The following VPS41 variants were observed in gnomAD, a reference collection of about 807,000 sequenced individuals.
The protein encoded by VPS41 is vacuolar protein sorting-associated protein 41 homolog.
In VPS41, 85 loss-of-function variants were observed where a neutral mutation model predicts 130.9. That is an observed-to-expected ratio of 0.65 (90% confidence interval 0.55 to 0.78). VPS41 has a LOEUF of 0.78. Ranked by LOEUF, VPS41 falls within the 30% of genes least tolerant of loss-of-function variation. The probability of loss-of-function intolerance (pLI) is 0.00; values close to 1 mark genes in which losing one functional copy is unlikely to be tolerated. For missense variants in VPS41, 874 were observed against 1,018.7 expected, an observed-to-expected ratio of 0.86 and a Z score of 1.93; for synonymous variants, 335 against 332.9, an observed-to-expected ratio of 1.01 and a Z score of -0.07.
intron 4 of VPS41, among the ~76,000 whole-genome samples, chr7:38,862,256 T>A (rs975202663): frequency 2.0e-5 from 3 of 152,188 alleles, no homozygotes; most frequent in Middle Eastern, 3.2e-3. Flanking sequence ...TGACTATAAT[T>A]AAGTAAAGAA....
chr7:38,736,277 T>C (rs4720298), intron 25 of VPS41, among the ~76,000 whole-genome samples: 55,059 of 152,104 alleles, frequency 0.36, 10,519 homozygotes, highest in Admixed American at 0.56. Flanking sequence ...AAGGACATGC[T>C]CCCTAGTCCT....
intron 25 of VPS41, among the ~76,000 whole-genome samples, chr7:38,730,564 AT>A (rs540896163): frequency 2.6e-5 from 4 of 151,980 alleles, no homozygotes; most frequent in African/African-American, 2.4e-5. Flanking sequence ...CCAGGAATCA[AT>A]TTTTTTTGGA....
chr7:38,821,337 A>G, intron 5 of VPS41, 72 bp from the exon 6 acceptor site: 2 of 946,428 alleles, frequency 2.1e-6, no homozygotes, highest in South Asian at 1.4e-5. Flanking sequence ...GTATGAACAC[A>G]TACTATCAAT....
intron 19 of VPS41, among the ~76,000 whole-genome samples, chr7:38,755,582 G>T (rs1783774519): frequency 6.6e-6 from 1 of 152,150 alleles, no homozygotes; most frequent in Non-Finnish European, 1.5e-5. Flanking sequence ...TGGGGGCCCT[G>T]TTCTAGACTC....
intron 24 of VPS41, among the ~76,000 whole-genome samples, chr7:38,742,663 T>C (rs1795903459): frequency 6.6e-6 from 1 of 151,988 alleles, no homozygotes; most frequent in African/African-American, 2.4e-5. Context: ...TTTATCTTGC[T>C]AGTTACAAGT....
intron 7 of VPS41, among the ~76,000 whole-genome samples, chr7:38,809,547 T>G (rs907832161): frequency 7.2e-5 from 11 of 152,126 alleles, no homozygotes; most frequent in Admixed American, 6.5e-4. Flanking sequence ...CAAAATCCAA[T>G]TTATTATTTG....
chr7:38,847,139 T>C (rs1785744022), intron 4 of VPS41, among the ~76,000 whole-genome samples: 4 of 152,254 alleles, frequency 2.6e-5, no homozygotes, highest in South Asian at 4.1e-4. Context: ...TTCAGTGCTG[T>C]CTGTGGAGCC....
intron 7 of VPS41, among the ~76,000 whole-genome samples, chr7:38,797,342 C>T (rs1784641851): frequency 6.6e-6 from 1 of 152,046 alleles, no homozygotes; most frequent in Non-Finnish European, 1.5e-5. Context: ...GACTTTTGAA[C>T]AGTAATTCAT....
intron 4 of VPS41, among the ~76,000 whole-genome samples, chr7:38,838,239 C>CA (rs1000676180): frequency 8.9e-4 from 130 of 146,390 alleles, no homozygotes; most frequent in East Asian, 5.4e-3. Context: ...AAAAAACAAA[C>CA]AAAAAAAAAA....
At chr7:38,859,061 A>T (rs985882106) in intron 4 of VPS41, among the ~76,000 whole-genome samples, 3 of 152,068 alleles carry the variant, frequency 2.0e-5, no homozygotes, top group Non-Finnish European at 2.9e-5. Context: ...GGGTAGGCCT[A>T]GGCTAATGTG....
intron 2 of VPS41, among the ~76,000 whole-genome samples, chr7:38,894,062 T>C (rs1383062205): frequency 1.3e-5 from 2 of 152,166 alleles, no homozygotes; most frequent in African/African-American, 4.8e-5. Flanking sequence ...TTATTCTTTA[T>C]GGAAATGGAA....
intron 4 of VPS41, among the ~76,000 whole-genome samples, chr7:38,859,454 C>T (rs1021709407): frequency 1.2e-4 from 19 of 152,074 alleles, no homozygotes; most frequent in Admixed American, 7.2e-4. Context: ...CATGATAAGT[C>T]TCCTGTACAG....
At chr7:38,897,577 G>A (rs1328637544) in intron 2 of VPS41, among the ~76,000 whole-genome samples, 7 of 151,122 alleles carry the variant, frequency 4.6e-5, no homozygotes, top group South Asian at 2.1e-4. Flanking sequence ...CCTGGGAGAC[G>A]GAGCCTGCAG....
intron 19 of VPS41, among the ~76,000 whole-genome samples, chr7:38,756,075 A>C (rs1341179785): frequency 6.6e-6 from 1 of 152,214 alleles, no homozygotes; most frequent in African/African-American, 2.4e-5. Context: ...GTACAATATA[A>C]TTGAAAAATG....
chr7:38,908,337 G>A (rs950182036), intron 1 of VPS41, among the ~76,000 whole-genome samples: 3 of 151,678 alleles, frequency 2.0e-5, no homozygotes, highest in Non-Finnish European at 4.4e-5. Flanking sequence ...ATTTTACTTC[G>A]TCATTTCATA....
At chr7:38,829,701 C>T (rs551712395) in intron 5 of VPS41, among the ~76,000 whole-genome samples, 28 of 152,220 alleles carry the variant, frequency 1.8e-4, no homozygotes, top group African/African-American at 6.7e-4. Context: ...TGTCCTTGGT[C>T]GAGGAAGTAG....
intron 4 of VPS41, chr7:38,831,300 C>A: frequency 2.2e-6 from 1 of 464,942 alleles, no homozygotes; most frequent in South Asian, 1.6e-5. Context: ...GTTTCCTGTC[C>A]AATATGGTAC....
At chr7:38,761,114 A>G (rs1022058449) in intron 17 of VPS41, among the ~76,000 whole-genome samples, 5 of 151,968 alleles carry the variant, frequency 3.3e-5, no homozygotes, top group African/African-American at 1.2e-4. Context: ...AACCAAAATA[A>G]TATTTCAGAT....
Position 38,741,392 on chromosome 7 carries a change from T to C in VPS41, c.2259+593A>G, listed in dbSNP as rs565603986. On this transcript the variant is annotated intron_variant, in intron 25 of 28. Coordinates refer to ENST00000310301, the MANE Select transcript of VPS41 (RefSeq NM_014396.4). ...GGAAAAGATTAAGATGCTTTGTAAT[T>C]AGTATAATAATTTATATGAAAATAA... The C allele has an allele frequency of 9.1e-5, 29 of 317,564 alleles. No homozygotes were observed. The East Asian group carries it at 3.3e-3, about 36-fold the overall frequency. The allele number at this position is 317,564 out of a possible 1,614,324, so 19.7% of individuals were successfully genotyped here. A position where few individuals can be genotyped will look rare whatever the true frequency, so the allele number is the denominator to read the frequency against.
Sources: gnomAD v4.1 joint callset for allele counts (sites outside exome capture counted in the v4.1 genomes callset) on GRCh38, gnomAD v4.1.1 for gene constraint, MANE v1.5 for transcripts, NCBI Gene and HGNC (gene_info 2026-07-23, HGNC 2026-07-21) for gene names.